The following PLXNA4 variants were observed in gnomAD, a reference collection of about 807,000 sequenced individuals.
The protein encoded by PLXNA4 is plexin A4, also known as plexin-A4.
PLXNA4 carries 44 observed loss-of-function variants against 191.8 expected under a neutral mutation model. The observed-to-expected ratio is 0.23, with a 90% CI of 0.18 to 0.29. PLXNA4 has a LOEUF of 0.29. PLXNA4 is among the 10% of genes least tolerant of loss of function. The pLI is 1.00. For synonymous variants in PLXNA4, 1,082 were observed against 1,009.5 expected (o/e 1.07, Z -1.36); for missense variants, 1,800 against 2,488.8 (o/e 0.72, Z 5.89).
intron 14 of PLXNA4, among the ~76,000 whole-genome samples, chr7:132,188,482 G>A (rs1796953219): frequency 6.6e-6 from 1 of 152,134 alleles, no homozygotes; most frequent in African/African-American, 2.4e-5. Flanking sequence ...CCTTGGAGCA[G>A]GCTGACAACC....
intron 3 of PLXNA4, among the ~76,000 whole-genome samples, chr7:132,334,600 C>T (rs1368193655): frequency 1.3e-5 from 2 of 152,190 alleles, no homozygotes; most frequent in Middle Eastern, 3.4e-3. Context: ...ACTGCAGATT[C>T]TGTGGTGATT....
At chr7:132,365,638 A>C (rs1435152657) in intron 3 of PLXNA4, among the ~76,000 whole-genome samples, 1 of 152,132 alleles carries the variant, frequency 6.6e-6, no homozygotes, top group Non-Finnish European at 1.5e-5. Context: ...AGTGAAGTGC[A>C]AATCCAGGGC....
intron 2 of PLXNA4, among the ~76,000 whole-genome samples, chr7:132,595,536 A>G (rs1802693148): frequency 6.6e-6 from 1 of 152,170 alleles, no homozygotes; most frequent in South Asian, 2.1e-4. Flanking sequence ...CTGAATAATT[A>G]CCTTGTTCTT....
chr7:132,596,643 T>C (rs1479338221), intron 2 of PLXNA4, among the ~76,000 whole-genome samples: 5 of 152,234 alleles, frequency 3.3e-5, no homozygotes, highest in Non-Finnish European at 7.3e-5. Flanking sequence ...TATGGTTGAC[T>C]GCTTGCATGA....
At chr7:132,345,812 A>G (rs562304990) in intron 3 of PLXNA4, among the ~76,000 whole-genome samples, 3 of 152,134 alleles carry the variant, frequency 2.0e-5, no homozygotes, top group African/African-American at 7.2e-5. Context: ...AAAGACACAC[A>G]TTTTCTCTTG....
At chr7:132,334,594 C>T (rs35492346) in intron 3 of PLXNA4, among the ~76,000 whole-genome samples, 17,288 of 152,014 alleles carry the variant, frequency 0.11, 1,229 homozygotes, top group Admixed American at 0.22. Context: ...AGAGACACTG[C>T]AGATTCTGTG....
At position 132,145,305 on chromosome 7, in the gene PLXNA4, C is replaced by T. The variant is rs76704138; in HGVS notation, c.5056-17G>A. On this transcript the variant is annotated splice_polypyrimidine_tract_variant and intron_variant, in intron 28 of 31. Coordinates refer to ENST00000321063, the MANE Select transcript of PLXNA4 (RefSeq NM_020911.2). ...CAGTGTGCCCTGGAGAGGCAGGATA[C>T]GTCCAGACACAGCTCGACTCACGTA... is the stretch of plus-strand genomic sequence containing the variant. 891 of 1,613,252 alleles carry T rather than the reference C, an allele frequency of 5.5e-4. 6 individuals are homozygous for T. In the East Asian group the frequency reaches 0.018, roughly 32 times the overall value.
At chr7:132,495,735 G>GT (rs1381480826) in intron 2 of PLXNA4, among the ~76,000 whole-genome samples, 1 of 152,164 alleles carries the variant, frequency 6.6e-6, no homozygotes, top group African/African-American at 2.4e-5. Flanking sequence ...GTTGCATAGG[G>GT]TAAGAAGACA....
chr7:132,541,813 G>A lies in PLXNA4; in HGVS notation c.-86-33034C>T, dbSNP rs949572549. 3.3e-5 allele frequency among the ~76,000 whole-genome samples: 5 copies of A among 152,216 alleles called. No homozygotes were observed. The South Asian group carries it at 1.0e-3, about 32-fold the overall frequency. ...GTGGGGATGGGCTCAGTTTCCATTG[G>A]TGCATCTGCTCAGATTCTAACAGAT... On this transcript the variant is annotated intron_variant, in intron 1 of 31. Coordinates refer to ENST00000321063, the MANE Select transcript of PLXNA4 (RefSeq NM_020911.2).
chr7:132,564,991 G>A (rs555018150), intron 1 of PLXNA4, among the ~76,000 whole-genome samples: 4 of 151,536 alleles, frequency 2.6e-5, no homozygotes, highest in Admixed American at 2.6e-4. Flanking sequence ...TCTCCTTTCC[G>A]ACCCTCTGCA....
At chr7:132,498,666 G>A (rs1325766101) in intron 2 of PLXNA4, among the ~76,000 whole-genome samples, 1 of 152,108 alleles carries the variant, frequency 6.6e-6, no homozygotes, top group East Asian at 1.9e-4. Flanking sequence ...GTGGTTTCAG[G>A]CATCCACTGG....
chr7:132,537,923 G>T (rs1195793345), intron 1 of PLXNA4, among the ~76,000 whole-genome samples: 3 of 152,204 alleles, frequency 2.0e-5, no homozygotes, highest in Non-Finnish European at 2.9e-5. Flanking sequence ...CACAGCCTGG[G>T]ATCATTTATC....
rs149492464 is a variant in PLXNA4, at chr7:132,551,399, A to G, written c.-87+25023T>C. ...TTGAACTGTGGTGGTTTGTTACAGAATTAACCAGCCATGATTAATAGTGAG... is the reference window on the plus strand; with the variant it reads ...TTGAACTGTGGTGGTTTGTTACAGAGTTAACCAGCCATGATTAATAGTGAG... On this transcript the variant is annotated intron_variant, in intron 1 of 31. Coordinates refer to ENST00000321063, the MANE Select transcript of PLXNA4 (RefSeq NM_020911.2). Among the ~76,000 whole-genome samples, 34 of 152,344 alleles carry G rather than the reference A, an allele frequency of 2.2e-4. 1 individual carries two copies. Among genetic ancestry groups the G allele is most frequent in the African/African-American group, 7.7e-4 (32 of 41,578 alleles).
intron 3 of PLXNA4, among the ~76,000 whole-genome samples, chr7:132,435,616 G>C (rs748131897): frequency 1.3e-5 from 2 of 152,168 alleles, no homozygotes; most frequent in East Asian, 3.9e-4. Context: ...AGATACAGCC[G>C]GACATCCGGG....
At chr7:132,481,563 T>G (rs1258787089) in intron 3 of PLXNA4, among the ~76,000 whole-genome samples, 2 of 152,048 alleles carry the variant, frequency 1.3e-5, no homozygotes, top group Non-Finnish European at 2.9e-5. Flanking sequence ...GTAAGTAACA[T>G]GTGAAAACAT....
chr7:132,292,817 T>C (rs1325040691), intron 4 of PLXNA4, among the ~76,000 whole-genome samples: 4 of 152,134 alleles, frequency 2.6e-5, no homozygotes, highest in Non-Finnish European at 5.9e-5. Context: ...GAAGTCAAGA[T>C]TCCAGGGTGA....
chr7:132,508,970 C>T lies in PLXNA4; in HGVS notation c.-86-191G>A, dbSNP rs1798601186. Among the ~76,000 whole-genome samples, 1 of 151,968 alleles carries T rather than the reference C, an allele frequency of 6.6e-6. No individual in the cohort carries two copies. The highest frequency in any genetic ancestry group is 1.5e-5 in the Non-Finnish European group (1 of 67,994). ...AGTCAGAGCCGGGTGGCAGCAGCCCCAGGAGGACACATCAGTAACGATAAT... is the reference window on the plus strand; with the variant it reads ...AGTCAGAGCCGGGTGGCAGCAGCCCTAGGAGGACACATCAGTAACGATAAT... On this transcript the variant is annotated intron_variant, in intron 1 of 31. Coordinates refer to ENST00000321063, the MANE Select transcript of PLXNA4 (RefSeq NM_020911.2). The surrounding 1 kb of genome is among the most constrained non-coding windows in gnomAD (Gnocchi z 4.4).
intron 3 of PLXNA4, among the ~76,000 whole-genome samples, chr7:132,393,911 T>G (rs1244959398): frequency 6.6e-6 from 1 of 151,976 alleles, no homozygotes; most frequent in Non-Finnish European, 1.5e-5. Context: ...TTCTGCCAAC[T>G]TACGACAAGA....
intron 4 of PLXNA4, among the ~76,000 whole-genome samples, chr7:132,284,067 A>G (rs1157155915): frequency 6.6e-6 from 1 of 152,176 alleles, no homozygotes; most frequent in Non-Finnish European, 1.5e-5. Flanking sequence ...CAGCGACTCC[A>G]GAGGCTGAGG....
Sources: gnomAD v4.1 joint callset for allele counts (sites outside exome capture counted in the v4.1 genomes callset) on GRCh38, gnomAD v4.1.1 for gene constraint, Gnocchi (gnomAD v3.1) non-coding constraint, MANE v1.5 for transcripts, NCBI Gene and HGNC (gene_info 2026-07-23, HGNC 2026-07-21) for gene names.